The following CERS6 variants were observed in gnomAD, a reference collection of about 807,000 sequenced individuals.
The protein encoded by CERS6 is ceramide synthase 6, also known as LAG1 homolog, ceramide synthase 6.
CERS6 carries 26 observed loss-of-function variants against 56.8 expected under a neutral mutation model. The observed-to-expected ratio is 0.46, with a 90% CI of 0.34 to 0.63. The LOEUF is 0.63. Among genes scored for constraint, CERS6 ranks in the 30% least tolerant of loss-of-function variants. CERS6 has a pLI of 0.01. For synonymous variants in CERS6, 164 were observed against 173.3 expected, an observed-to-expected ratio of 0.95 and a Z score of 0.42; for missense variants, 415 against 467.5, an observed-to-expected ratio of 0.89 and a Z score of 1.04.
At chr2:168,702,782 CA>C (rs2105374387) in intron 6 of CERS6, among the ~76,000 whole-genome samples, 1 of 152,264 alleles carries the variant, frequency 6.6e-6, no homozygotes, top group African/African-American at 2.4e-5. Context: ...TCTGACTTGA[CA>C]AATTTTAGTA....
At chr2:168,550,485 T>A (rs1257872730) in intron 2 of CERS6, among the ~76,000 whole-genome samples, 1 of 152,114 alleles carries the variant, frequency 6.6e-6, no homozygotes. Flanking sequence ...GTCAAGGTGT[T>A]TTTTATTTGT....
intron 1 of CERS6, among the ~76,000 whole-genome samples, chr2:168,486,524 GTT>G (rs760111727): frequency 5.8e-5 from 7 of 120,084 alleles, no homozygotes; most frequent in Non-Finnish European, 5.2e-5. Flanking sequence ...ATTTGGTTTT[GTT>G]TTTTTTTTTT....
rs376847088 is a variant in CERS6, at chr2:168,765,577, C to T, written c.846-15C>T. The T allele has an allele frequency of 3.2e-5, 51 of 1,609,768 alleles. 1 individual carries two copies. The African/African-American group carries it at 5.5e-4, about 17-fold the overall frequency. On this transcript the variant is annotated splice_polypyrimidine_tract_variant and intron_variant, in intron 8 of 9. Transcript: ENST00000305747. ...AAAATGCCACATTCACTAATCACCT[C>T]CTTCTTTTCCTTAGGGTGTTAAATA... is the stretch of plus-strand genomic sequence containing the variant.
intron 3 of CERS6, among the ~76,000 whole-genome samples, chr2:168,627,690 A>T (rs1168877881): frequency 1.3e-5 from 2 of 151,344 alleles, no homozygotes; most frequent in Non-Finnish European, 2.9e-5. Flanking sequence ...CATCGCTTTG[A>T]ATTGATATTG....
At chr2:168,573,344 T>G (rs1219113407) in intron 3 of CERS6, among the ~76,000 whole-genome samples, 1 of 152,154 alleles carries the variant, frequency 6.6e-6, no homozygotes, top group Non-Finnish European at 1.5e-5. Flanking sequence ...GCTTGTTGGG[T>G]AGCAAACCAG....
intron 3 of CERS6, among the ~76,000 whole-genome samples, chr2:168,630,299 TATAC>T (rs550751032): frequency 0.013 from 350 of 26,050 alleles, 1 homozygote; most frequent in African/African-American, 0.033. Flanking sequence ...TTGTAATAAG[TATAC>T]ACACACACAC....
intron 3 of CERS6, among the ~76,000 whole-genome samples, chr2:168,571,448 C>T (rs1174971705): frequency 1.3e-5 from 2 of 152,014 alleles, no homozygotes; most frequent in Non-Finnish European, 2.9e-5. Context: ...GGAGTTTGTG[C>T]ATAAGATGGT....
At chr2:168,707,183 A>G (rs1201279530) in intron 6 of CERS6, among the ~76,000 whole-genome samples, 4 of 152,186 alleles carry the variant, frequency 2.6e-5, no homozygotes. Flanking sequence ...TCTTTAAACC[A>G]ATTAATTTCA....
At chr2:168,621,828 T>C (rs1195667409) in intron 3 of CERS6, among the ~76,000 whole-genome samples, 1 of 152,150 alleles carries the variant, frequency 6.6e-6, no homozygotes, top group Non-Finnish European at 1.5e-5. Context: ...ACACTTCCAA[T>C]GGCAATTTTA....
intron 5 of CERS6, among the ~76,000 whole-genome samples, chr2:168,693,055 C>T (rs1340455211): frequency 6.6e-6 from 1 of 152,096 alleles, no homozygotes; most frequent in East Asian, 1.9e-4. Context: ...TAAATAATTT[C>T]ATATACATGT....
At chr2:168,683,089 T>G (rs1461287776) in intron 4 of CERS6, among the ~76,000 whole-genome samples, 2 of 152,222 alleles carry the variant, frequency 1.3e-5, no homozygotes, top group Admixed American at 6.5e-5. Flanking sequence ...TAAATAGAAT[T>G]ATAATAGATA....
intron 1 of CERS6, among the ~76,000 whole-genome samples, chr2:168,488,639 C>T (rs1694315693): frequency 1.3e-5 from 2 of 151,840 alleles, no homozygotes. Context: ...CCCCCTTTTT[C>T]TGTCTTTTGG....
At chr2:168,464,767 C>CA (rs968427448) in intron 1 of CERS6, among the ~76,000 whole-genome samples, 5 of 150,916 alleles carry the variant, frequency 3.3e-5, no homozygotes, top group African/African-American at 7.3e-5. Context: ...GACCCCATGT[C>CA]AAAAAAACCA....
In CERS6 at chr2:168,491,832, A is replaced by G. The variant is rs1694380049; in HGVS notation, c.170+35214A>G. Among the ~76,000 whole-genome samples, 3 of 151,994 alleles carry G rather than the reference A, an allele frequency of 2.0e-5. No homozygotes were observed. In the South Asian group the frequency reaches 6.2e-4, roughly 32 times the overall value. ...TCCCTCCCTGTGTCCATGTGTTCTC[A>G]TTGTTCAGCTGCCACTTACGAGTGA... On this transcript the variant is annotated intron_variant, in intron 1 of 9. Transcript: ENST00000305747.
chr2:168,483,824 G>A (rs1016379463), intron 1 of CERS6, among the ~76,000 whole-genome samples: 16 of 152,306 alleles, frequency 1.1e-4, no homozygotes, highest in South Asian at 8.3e-4. Flanking sequence ...TCGAACAGTG[G>A]CTCTTAAATT....
chr2:168,561,831 A>G (rs1453374649), intron 3 of CERS6, among the ~76,000 whole-genome samples: 1 of 152,212 alleles, frequency 6.6e-6, no homozygotes, highest in Non-Finnish European at 1.5e-5. Flanking sequence ...AGTCTCTTCC[A>G]TCTCTGAAAT....
chr2:168,544,641 A>T (rs13032343), intron 1 of CERS6, among the ~76,000 whole-genome samples: 35,070 of 152,054 alleles, frequency 0.23, 5,038 homozygotes, highest in East Asian at 0.52. Context: ...TTAGACCCCG[A>T]TCACACTGCT....
chr2:168,752,311 GTGTGTGTA>G (rs1055565439), intron 8 of CERS6, among the ~76,000 whole-genome samples: 12 of 146,910 alleles, frequency 8.2e-5, no homozygotes, highest in South Asian at 4.2e-4. Context: ...GTGTGTGTGT[GTGTGTGTA>G]TAGAGAGAGA....
At chr2:168,602,490 G>A (rs1683958020) in intron 3 of CERS6, among the ~76,000 whole-genome samples, 1 of 151,176 alleles carries the variant, frequency 6.6e-6, no homozygotes, top group Non-Finnish European at 1.5e-5. Context: ...TATGTGGATA[G>A]ACTTTTTACA....
Sources: gnomAD v4.1 joint callset for allele counts (sites outside exome capture counted in the v4.1 genomes callset) on GRCh38, gnomAD v4.1.1 for gene constraint, MANE v1.5 for transcripts, NCBI Gene and HGNC (gene_info 2026-07-23, HGNC 2026-07-21) for gene names.